The following PCDHA1 variants were observed in gnomAD, a reference collection of about 807,000 sequenced individuals.
PCDHA1 encodes the protein protocadherin alpha 1, also known as protocadherin alpha-1.
Under a neutral mutation model 61.3 loss-of-function variants are expected in PCDHA1, and 42 were observed. The ratio of observed to expected loss-of-function variants is 0.69; its 90% CI spans 0.54 to 0.89. The LOEUF (loss-of-function observed/expected upper bound fraction) is 0.89, where lower values mean the gene tolerates loss of function less well. PCDHA1 is among the 40% of genes least tolerant of loss of function. The probability of loss-of-function intolerance (pLI) is 0.00; values close to 1 mark genes in which losing one functional copy is unlikely to be tolerated. For synonymous variants in PCDHA1, 610 were observed against 553.8 expected (o/e 1.10, Z -1.43); for missense variants, 1,256 against 1,235.3 (o/e 1.02, Z -0.25).
chr5:140,796,668 T>G (rs782184651), intron 1 of PCDHA1: 7 of 1,613,754 alleles, frequency 4.3e-6, no homozygotes, highest in Non-Finnish European at 5.9e-6. Flanking sequence ...TGTTGGCGCC[T>G]AGGGCTGGCA....
Position 140,835,022 on chromosome 5 carries a change from G to A in PCDHA1, c.2394+46338G>A. ...CTCCGGAGCTTCATTTATTGCTCACGGCCACCGATGGAGGCAAACCCGAGC... is the reference window on the plus strand; with the variant it reads ...CTCCGGAGCTTCATTTATTGCTCACAGCCACCGATGGAGGCAAACCCGAGC... On this transcript the variant is annotated intron_variant, in intron 1 of 3. Coordinates refer to ENST00000504120, the MANE Select transcript of PCDHA1 (RefSeq NM_018900.4). 3 of 1,341,264 alleles carry A rather than the reference G, an allele frequency of 2.2e-6. No individual in the cohort carries two copies. The South Asian group carries it at 4.2e-5, about 19-fold the overall frequency. 83.1% of individuals were successfully genotyped at this position (1,341,264 alleles called of 1,614,324 possible). A position where few individuals can be genotyped will look rare whatever the true frequency, so the allele number is the denominator to read the frequency against.
At chr5:140,870,593 G>C (rs991131905) in intron 1 of PCDHA1, 2 of 1,613,454 alleles carry the variant, frequency 1.2e-6, no homozygotes, top group Admixed American at 3.3e-5. Flanking sequence ...GTGGAGCGGC[G>C]GTTGGGCGAC....
intron 1 of PCDHA1, chr5:140,856,806 A>G: frequency 1.3e-6 from 2 of 1,595,552 alleles, no homozygotes; most frequent in African/African-American, 1.3e-5. Context: ...ATGTATGAAA[A>G]TCAAGTGAAC....
Position 140,887,400 on chromosome 5 carries a change from A to G in PCDHA1, c.2395-91549A>G, listed in dbSNP as rs563892577. Among the ~76,000 whole-genome samples, 411 of 152,184 alleles carry G rather than the reference A, an allele frequency of 2.7e-3. 1 individual carries two copies. The highest frequency in any genetic ancestry group is 4.5e-3 in the Non-Finnish European group (305 of 68,000). On this transcript the variant is annotated intron_variant, in intron 1 of 3. Transcript: ENST00000504120. ...TGTGAGCCACCGCGCCCGGCTCTTT[A>G]TCTCATTTTTATTTTTGAAAAAGTA...
At chr5:140,858,769 A>T in intron 1 of PCDHA1, 1 of 441,686 alleles carries the variant, frequency 2.3e-6, no homozygotes, top group Non-Finnish European at 4.1e-6. Flanking sequence ...TATTTGTGAG[A>T]TTAGTACTTC....
intron 1 of PCDHA1, chr5:140,926,803 C>T (rs2083562434): frequency 6.9e-7 from 1 of 1,454,300 alleles, no homozygotes; most frequent in Non-Finnish European, 9.0e-7. Flanking sequence ...GTGCTCTTCC[C>T]CGCGGCTCGT....
At chr5:140,933,003 G>A (rs1466484630) in intron 1 of PCDHA1, among the ~76,000 whole-genome samples, 5 of 151,902 alleles carry the variant, frequency 3.3e-5, no homozygotes, top group East Asian at 1.9e-4. Flanking sequence ...TATGAATATC[G>A]GAAATATTAA....
intron 1 of PCDHA1, among the ~76,000 whole-genome samples, chr5:140,873,904 G>A (rs936002886): frequency 6.6e-6 from 1 of 152,074 alleles, no homozygotes; most frequent in African/African-American, 2.4e-5. Flanking sequence ...CAGGTGATCT[G>A]CCTGCCTCAG....
chr5:140,957,591 C>T (rs1554223040), intron 1 of PCDHA1, among the ~76,000 whole-genome samples: 1 of 151,946 alleles, frequency 6.6e-6, no homozygotes, highest in African/African-American at 2.4e-5. Flanking sequence ...CAAAGCACTT[C>T]CCAGAATAAA....
At chr5:140,876,328 C>A in intron 1 of PCDHA1, 1 of 1,613,940 alleles carries the variant, frequency 6.2e-7, no homozygotes, top group Non-Finnish European at 8.5e-7. Flanking sequence ...AATGATTTTG[C>A]CAGTGAGTGA....
intron 1 of PCDHA1, chr5:140,807,395 G>C (rs3822354): frequency 8.2e-7 from 1 of 1,218,782 alleles, no homozygotes; most frequent in Middle Eastern, 2.5e-4. Flanking sequence ...GGCGTCCAAG[G>C]GCCGCGGAGG....
At chr5:140,888,703 G>C (rs547593291) in intron 1 of PCDHA1, among the ~76,000 whole-genome samples, 1 of 152,180 alleles carries the variant, frequency 6.6e-6, no homozygotes, top group Admixed American at 6.5e-5. Context: ...TGATTGGTAG[G>C]AATGTGAAAT....
At chr5:140,850,538 G>A (rs2150488632) in intron 1 of PCDHA1, 3 of 1,598,364 alleles carry the variant, frequency 1.9e-6, no homozygotes, top group Non-Finnish European at 1.7e-6. Context: ...CATCGTCGCG[G>A]GCGTCAGTGG....
rs1554229126 is a variant in PCDHA1 at position 140,967,062 on chromosome 5, T to C, written c.2395-11887T>C. 3 of 1,612,916 alleles carry C rather than the reference T, an allele frequency of 1.9e-6. No individual in the cohort carries two copies. In the Admixed American group the frequency reaches 5.0e-5, roughly 27 times the overall value. ...GAGCTGGACCTGACGAGTGGAGCGC[T>C]CTTCGTCAACGAGCGCATTGATCGG... On this transcript the variant is annotated intron_variant, in intron 1 of 3. Transcript: ENST00000504120.
chr5:140,980,635 A>AT (rs1224584187), intron 2 of PCDHA1, among the ~76,000 whole-genome samples: 1 of 152,232 alleles, frequency 6.6e-6, no homozygotes, highest in Non-Finnish European at 1.5e-5. Context: ...TCTCAGAAGA[A>AT]TAAATAAATG....
At chr5:140,940,636 C>A (rs1554213535) in intron 1 of PCDHA1, among the ~76,000 whole-genome samples, 1 of 152,106 alleles carries the variant, frequency 6.6e-6, no homozygotes. Flanking sequence ...TTAAGCTTGT[C>A]ATTTATTTAT....
intron 1 of PCDHA1, among the ~76,000 whole-genome samples, chr5:140,844,191 G>A (rs1554140562): frequency 6.7e-6 from 1 of 149,410 alleles, no homozygotes; most frequent in South Asian, 2.1e-4. Flanking sequence ...CATCTTATCT[G>A]ACTTTTTAGT....
rs576037609 is a variant in PCDHA1, at chr5:140,856,982, A to C, written c.2394+68298A>C. 1.2e-5 allele frequency: 19 copies of C among 1,595,040 alleles called. 1 individual carries two copies. In the South Asian group the frequency reaches 1.9e-4, roughly 16 times the overall value. ...AAATGATGCTATTGACTTTGAGGAC[A>C]GTAACACTTATGAAATTCATGTAGA... is the stretch of plus-strand genomic sequence containing the variant. On this transcript the variant is annotated intron_variant, in intron 1 of 3. Transcript: ENST00000504120.
intron 1 of PCDHA1, chr5:140,861,364 C>T (rs1581608735): frequency 2.8e-6 from 1 of 356,870 alleles, no homozygotes; most frequent in South Asian, 2.7e-5. Flanking sequence ...AGCGTCTTCG[C>T]GGTCCCTATT....
Sources: allele counts gnomAD v4.1 joint callset (sites outside exome capture counted in the v4.1 genomes callset), GRCh38; gene constraint gnomAD v4.1.1; transcripts MANE v1.5; gene names NCBI Gene and HGNC (gene_info 2026-07-23, HGNC 2026-07-21).